The following HTR2C variants were observed in gnomAD, a reference collection of about 807,000 sequenced individuals.
HTR2C encodes the protein 5-hydroxytryptamine (serotonin) receptor 2C, G protein-coupled.
In HTR2C, 5 loss-of-function variants were observed where a neutral mutation model predicts 21.0. That is an observed-to-expected ratio of 0.24 (90% confidence interval 0.12 to 0.50). HTR2C has a LOEUF of 0.50. HTR2C is among the 20% of genes least tolerant of loss of function. The pLI, the probability that HTR2C is intolerant of heterozygous loss-of-function variation, is 0.98. For synonymous variants in HTR2C, 150 were observed against 145.3 expected (o/e 1.03, Z -0.23); for missense variants, 271 against 371.2 (o/e 0.73, Z 2.22).
At chrX:114,867,192 C>T (rs1012210745) in intron 5 of HTR2C, among the ~76,000 whole-genome samples, 1 of 111,658 alleles carries the variant, frequency 9.0e-6, no homozygotes, top group Non-Finnish European at 1.9e-5. Context: ...TGGATATAAG[C>T]CATTTTAACT....
At chrX:114,597,338 G>C (rs1556392865) in intron 1 of HTR2C, among the ~76,000 whole-genome samples, 1 of 111,125 alleles carries the variant, frequency 9.0e-6, no homozygotes, top group African/African-American at 3.3e-5. Context: ...AAACTGTCAA[G>C]GGAGGATTTA....
chrX:114,843,175 A>G (rs929642514), intron 4 of HTR2C, among the ~76,000 whole-genome samples: 1 of 112,283 alleles, frequency 8.9e-6, no homozygotes, highest in African/African-American at 3.2e-5. Context: ...CTTTACATCA[A>G]CTGTCTCAAA....
chrX:114,789,531 A>C (rs1456522096), intron 4 of HTR2C, among the ~76,000 whole-genome samples: 2 of 111,545 alleles, frequency 1.8e-5, no homozygotes, highest in African/African-American at 6.5e-5. Flanking sequence ...AAGAAAGAAA[A>C]TAATTAACTA....
At chrX:114,706,992 T>C (rs1033734788) in intron 2 of HTR2C, among the ~76,000 whole-genome samples, 1 of 111,281 alleles carries the variant, frequency 9.0e-6, no homozygotes, top group East Asian at 2.8e-4. Flanking sequence ...TTGTCCAGAT[T>C]TTTTCCTATA....
Position 114,719,252 on chromosome X carries a change from A to G in HTR2C, c.-79-7606A>G, listed in dbSNP as rs191699786. 5.5e-5 allele frequency among the ~76,000 whole-genome samples: 6 copies of G among 109,846 alleles called. No homozygotes were observed. The East Asian group carries it at 1.4e-3, about 26-fold the overall frequency. ...ATTCTTTTGTGTTCATGCAACTTTA[A>G]AAGTTCCATTACACAGATCAGAAAG... On this transcript the variant is annotated intron_variant, in intron 2 of 5. Transcript: ENST00000276198.
chrX:114,761,873 C>A (rs782035671), intron 4 of HTR2C, among the ~76,000 whole-genome samples: 741 of 15,693 alleles, frequency 0.047, 14 homozygotes, highest in African/African-American at 0.086. Flanking sequence ...CTCTCTCTCT[C>A]TATATATATA....
intron 2 of HTR2C, among the ~76,000 whole-genome samples, chrX:114,664,866 C>G: frequency 8.9e-6 from 1 of 112,124 alleles, no homozygotes; most frequent in Non-Finnish European, 1.9e-5. Flanking sequence ...GTGCTTCAAG[C>G]TGTTCTGTAA....
At chrX:114,671,386 C>T (rs782052366) in intron 2 of HTR2C, among the ~76,000 whole-genome samples, 4 of 111,807 alleles carry the variant, frequency 3.6e-5, no homozygotes, top group Non-Finnish European at 5.6e-5. Context: ...CTCCAGATTA[C>T]GTGAAAATTA....
intron 2 of HTR2C, among the ~76,000 whole-genome samples, chrX:114,672,344 A>T (rs782047923): frequency 1.8e-5 from 2 of 110,808 alleles, no homozygotes; most frequent in African/African-American, 6.6e-5. Context: ...GTGAGCTATG[A>T]TCGCACCCCT....
In HTR2C at chrX:114,806,460, T is replaced by C. The variant is rs868913266; in HGVS notation, c.350-41543T>C. ...ACCATATATATATACTGTATATATA[T>C]ACACCATATATATATACTGTATATA... is the stretch of plus-strand genomic sequence containing the variant. On this transcript the variant is annotated intron_variant, in intron 4 of 5. Transcript: ENST00000276198. Among the ~76,000 whole-genome samples the C allele has an allele frequency of 4.9e-4, 41 of 83,927 alleles. 2 individuals carry two copies. The highest frequency in any genetic ancestry group is 2.0e-3 in the African/African-American group (39 of 19,156). 72.9% of individuals were successfully genotyped at this position (83,927 alleles called of 115,157 possible). A position where few individuals can be genotyped will look rare whatever the true frequency, so the allele number is the denominator to read the frequency against.
At chrX:114,808,555 G>A (rs1226553260) in intron 4 of HTR2C, among the ~76,000 whole-genome samples, 3 of 111,346 alleles carry the variant, frequency 2.7e-5, no homozygotes, top group Non-Finnish European at 3.8e-5. Flanking sequence ...TGTTCCCATA[G>A]TGGTTATATT....
intron 4 of HTR2C, among the ~76,000 whole-genome samples, chrX:114,800,428 T>C (rs1343391037): frequency 1.8e-5 from 2 of 111,224 alleles, no homozygotes; most frequent in Non-Finnish European, 3.8e-5. Flanking sequence ...CTTTTATACA[T>C]TTTCTCAAGC....
At chrX:114,814,795 T>A (rs1290920919) in intron 4 of HTR2C, among the ~76,000 whole-genome samples, 1 of 98,874 alleles carries the variant, frequency 1.0e-5, no homozygotes, top group East Asian at 3.0e-4. Context: ...ATAGTATATA[T>A]CATATAGTAT....
Position 114,909,402 on chromosome X carries a change from G to C in HTR2C, c.*1987G>C, listed in dbSNP as rs200544399. Reference sequence around the variant, plus strand: ...AATCCATCGATTTGTATTAATGTAGGGCAGAATAGCTGATAGAAGAAGGAC... The same window carrying C: ...AATCCATCGATTTGTATTAATGTAGCGCAGAATAGCTGATAGAAGAAGGAC... On this transcript the variant is annotated 3_prime_UTR_variant, in exon 6 of 6. Transcript: ENST00000276198. 8.9e-6 allele frequency: 1 copy of C among 111,980 alleles called. No homozygotes were observed. The highest frequency in any genetic ancestry group is 1.9e-5 in the Non-Finnish European group (1 of 53,164). 9.2% of individuals were successfully genotyped at this position (111,980 alleles called of 1,213,427 possible).
chrX:114,841,597 C>T (rs1468381492), intron 4 of HTR2C, among the ~76,000 whole-genome samples: 1 of 110,574 alleles, frequency 9.0e-6, no homozygotes, highest in African/African-American at 3.3e-5. Context: ...AAAAATTCGC[C>T]TGGAGCGATG....
At chrX:114,880,221 C>A (rs192698595) in intron 5 of HTR2C, among the ~76,000 whole-genome samples, 1 of 110,435 alleles carries the variant, frequency 9.1e-6, no homozygotes, top group Non-Finnish European at 1.9e-5. Context: ...ATTTTCCCCT[C>A]TCCCCAGCTC....
chrX:114,864,157 T>C (rs1359419698), intron 5 of HTR2C, among the ~76,000 whole-genome samples: 11 of 110,472 alleles, frequency 1.0e-4, no homozygotes, highest in African/African-American at 3.6e-4. Context: ...GATAAGGACT[T>C]GCTACTGCCA....
chrX:114,697,457 A>G (rs1285153336), intron 2 of HTR2C, among the ~76,000 whole-genome samples: 1 of 112,453 alleles, frequency 8.9e-6, no homozygotes, highest in African/African-American at 3.2e-5. Context: ...GTGAAGTGCA[A>G]CTTCTGATTC....
chrX:114,721,932 A>G (rs1183931585), intron 2 of HTR2C, among the ~76,000 whole-genome samples: 1 of 106,078 alleles, frequency 9.4e-6, no homozygotes, highest in Non-Finnish European at 2.0e-5. Flanking sequence ...CTTGTAGTAT[A>G]GTTTGAAGTC....
Sources: gnomAD v4.1 joint callset for allele counts (sites outside exome capture counted in the v4.1 genomes callset) on GRCh38, gnomAD v4.1.1 for gene constraint, MANE v1.5 for transcripts, NCBI Gene and HGNC (gene_info 2026-07-23, HGNC 2026-07-21) for gene names.